BOP1: variants seen among roughly 807,000 people sequenced by gnomAD.
The protein encoded by BOP1 is ribosome biogenesis protein BOP1.
Under a neutral mutation model 82.9 loss-of-function variants are expected in BOP1, and 54 were observed. The ratio of observed to expected loss-of-function variants is 0.65; its 90% confidence interval spans 0.52 to 0.82. The LOEUF (loss-of-function observed/expected upper bound fraction) is 0.82. Among genes scored for constraint, BOP1 ranks in the 40% least tolerant of loss-of-function variants. The pLI is 0.00. For missense variants in BOP1, 1,170 were observed against 1,072.0 expected, an observed-to-expected ratio of 1.09 and a Z score of -1.28; for synonymous variants, 566 against 451.1, an observed-to-expected ratio of 1.25 and a Z score of -3.23.
At chr8:144,276,190 C>G in intron 3 of BOP1, 34 bp downstream of exon 3, 1 of 1,610,814 alleles carries the variant, frequency 6.2e-7, no homozygotes, top group Non-Finnish European at 8.5e-7. Flanking sequence ...GAAGCCGCCC[C>G]ACCCTGCCCA....
At chr8:144,268,324 C>T (rs1241860831) in intron 3 of BOP1, 6 of 823,298 alleles carry the variant, frequency 7.3e-6, no homozygotes, top group Middle Eastern at 3.7e-4. Context: ...GCGCCGGCAG[C>T]GGGACTCTGC....
intron 3 of BOP1, chr8:144,267,217 A>G: frequency 6.7e-7 from 1 of 1,483,678 alleles, no homozygotes; most frequent in Admixed American, 2.5e-5. Flanking sequence ...GGGGGCCTCC[A>G]ACGCGCCCCT....
chr8:144,262,789 CT>C, intron 13 of BOP1, 63 bp downstream of exon 13: 1 of 1,184,154 alleles, frequency 8.4e-7, no homozygotes, highest in Non-Finnish European at 1.1e-6. Flanking sequence ...CACCCCTCAC[CT>C]GCAGGGTACA....
chr8:144,289,706 A>G (rs1174961878), intron 1 of BOP1, among the ~76,000 whole-genome samples: 1 of 152,160 alleles, frequency 6.6e-6, no homozygotes, highest in Admixed American at 6.5e-5. Flanking sequence ...AGCCTGCCTG[A>G]GCCCTCTCCA....
intron 3 of BOP1, among the ~76,000 whole-genome samples, chr8:144,274,536 C>A (rs1194079021): frequency 3.3e-5 from 5 of 152,246 alleles, no homozygotes; most frequent in Non-Finnish European, 5.9e-5. Context: ...TCTGTCCGGG[C>A]CTGGCCTGGC....
At chr8:144,282,896 G>A (rs910692481) in intron 2 of BOP1, among the ~76,000 whole-genome samples, 1 of 151,990 alleles carries the variant, frequency 6.6e-6, no homozygotes, top group Admixed American at 6.6e-5. Context: ...GTTGTTGAAA[G>A]GCACTATGGT....
At chr8:144,271,961 T>C (rs1845499313) in intron 3 of BOP1, among the ~76,000 whole-genome samples, 1 of 151,838 alleles carries the variant, frequency 6.6e-6, no homozygotes, top group Non-Finnish European at 1.5e-5. Context: ...AGTCACCTCC[T>C]GGGGGTCTGC....
rs1351110219 is a variant in BOP1, at chr8:144,262,860, G to T, written c.1887C>A (p.His629Gln). The T allele has an allele frequency of 3.3e-6, 5 of 1,523,842 alleles. No homozygotes were observed. Among genetic ancestry groups the T allele is most frequent in the Non-Finnish European group, 4.4e-6 (5 of 1,146,826 alleles). The allele number at this position is 1,523,842 out of a possible 1,614,324, so 94.4% of individuals were successfully genotyped here. A position where few individuals can be genotyped will look rare whatever the true frequency, so the allele number is the denominator to read the frequency against. The change falls in exon 13 of 16, where the codon CAC (histidine) becomes CAA (glutamine). Residue 629 changes from histidine (H) to glutamine (Q), a missense_variant. Physicochemically the swap from His to Gln is conservative, Grantham distance 24. Coordinates refer to ENST00000569669, the MANE Select transcript of BOP1 (RefSeq NM_015201.5). Reference sequence around the variant, plus strand: ...ACCGCCCCCACCCCTCACCTGCAGGGTGCACCGCCAGGCTGGACACCCACT... The same window carrying T: ...ACCGCCCCCACCCCTCACCTGCAGGTTGCACCGCCAGGCTGGACACCCACT... ...NCKWVSSLAV[H>Q]PAGDNVICGS...
chr8:144,283,452 C>T (rs529425371), intron 2 of BOP1, among the ~76,000 whole-genome samples: 2 of 152,264 alleles, frequency 1.3e-5, no homozygotes, highest in African/African-American at 4.8e-5. Flanking sequence ...ACTGGGACCA[C>T]GGGCACGCAC....
intron 3 of BOP1, among the ~76,000 whole-genome samples, chr8:144,269,771 C>G (rs1250088794): frequency 1.3e-5 from 2 of 152,218 alleles, no homozygotes; most frequent in Admixed American, 1.3e-4. Context: ...GGACATGCAG[C>G]TAGGGGCTGA....
intron 3 of BOP1, among the ~76,000 whole-genome samples, chr8:144,274,671 G>A (rs1252476209): frequency 6.6e-6 from 1 of 152,164 alleles, no homozygotes; most frequent in East Asian, 1.9e-4. Flanking sequence ...ATCACTGGAG[G>A]AAGCAGCCCC....
intron 3 of BOP1, among the ~76,000 whole-genome samples, chr8:144,272,107 C>A (rs1313641052): frequency 6.6e-6 from 1 of 152,122 alleles, no homozygotes; most frequent in African/African-American, 2.4e-5. Flanking sequence ...TAAGCAGGGG[C>A]TCCCAGAAAC....
chr8:144,266,883 C>T lies in BOP1; in HGVS notation c.391-1812G>A. The T allele has an allele frequency of 4.0e-6, 6 of 1,505,938 alleles. No homozygotes were observed. In the East Asian group the frequency reaches 1.1e-4, roughly 28 times the overall value. 93.3% of individuals were successfully genotyped at this position (1,505,938 alleles called of 1,614,324 possible). ...CGCGCGAGCGAGACCGCACCAACAGCGTGAACACGGCCTTCACGGCGCTGC... is the reference window on the plus strand; with the variant it reads ...CGCGCGAGCGAGACCGCACCAACAGTGTGAACACGGCCTTCACGGCGCTGC... On this transcript the variant is annotated intron_variant, in intron 3 of 15. Transcript: ENST00000569669.
At chr8:144,284,690 C>T (rs1442201780) in intron 2 of BOP1, among the ~76,000 whole-genome samples, 2 of 152,216 alleles carry the variant, frequency 1.3e-5, no homozygotes, top group African/African-American at 4.8e-5. Context: ...CGTTCCCTGG[C>T]ACACCCCTCA....
chr8:144,282,472 A>G (rs1236777504), intron 2 of BOP1, among the ~76,000 whole-genome samples: 1 of 152,104 alleles, frequency 6.6e-6, no homozygotes, highest in African/African-American at 2.4e-5. Flanking sequence ...CTGGCCCACC[A>G]AGCTCGTGCC....
intron 13 of BOP1, 61 bp downstream of exon 13, chr8:144,262,792 C>CCGGGGGCCCCGGGGGGGGG: frequency 1.1e-6 from 1 of 920,162 alleles, no homozygotes; most frequent in Non-Finnish European, 1.5e-6. Flanking sequence ...CCCTCACCTG[C>CCGGGGGCCCCGGGGGGGGG]AGGGTACACC....
intron 2 of BOP1, among the ~76,000 whole-genome samples, chr8:144,284,749 T>C (rs1179634171): frequency 6.6e-6 from 1 of 152,106 alleles, no homozygotes. Context: ...GTGCAGCTGC[T>C]CACTGAATGC....
At chr8:144,267,621 G>A (rs895156982) in intron 3 of BOP1, among the ~76,000 whole-genome samples, 7 of 152,226 alleles carry the variant, frequency 4.6e-5, no homozygotes. Context: ...AAGCCATCTT[G>A]GGCACCTGCT....
rs1299409100 is a variant in BOP1, at chr8:144,270,969, CAT to C, written c.390+5253_390+5254del. Among the ~76,000 whole-genome samples, 6 of 152,264 alleles carry C rather than the reference CAT, an allele frequency of 3.9e-5. No homozygotes were observed. The South Asian group carries it at 6.2e-4, about 16-fold the overall frequency. On this transcript the variant is annotated intron_variant, in intron 3 of 15. Transcript: ENST00000569669. The stretch of plus-strand genomic sequence containing the variant: ...TGGGGAACGAGCTGCTGGCGGGACA[CAT>C]GATTCATCACGGTCGCCTGCGCCCA...
Sources: gnomAD v4.1 joint callset for allele counts (sites outside exome capture counted in the v4.1 genomes callset) on GRCh38, gnomAD v4.1.1 for gene constraint, MANE v1.5 for transcripts, NCBI Gene and HGNC (gene_info 2026-07-23, HGNC 2026-07-21) for gene names.